The following RHBDL2 variants were observed in gnomAD, a reference collection of about 807,000 sequenced individuals.
RHBDL2 encodes rhomboid like 2, also known as rhomboid-related protein 2.
RHBDL2 carries 26 observed loss-of-function variants against 31.7 expected under a neutral mutation model. The ratio of observed to expected loss-of-function variants is 0.82; its 90% CI spans 0.60 to 1.14. RHBDL2 has a LOEUF of 1.14. RHBDL2 is among the 50% of genes most tolerant of loss of function. The probability of loss-of-function intolerance (pLI) is 0.00; values close to 1 mark genes in which losing one functional copy is unlikely to be tolerated. For missense variants in RHBDL2, 336 were observed against 364.4 expected (o/e 0.92, Z 0.63); for synonymous variants, 123 against 127.2 (o/e 0.97, Z 0.22).
At chr1:38,928,570 C>T (rs1643405068) in intron 1 of RHBDL2, among the ~76,000 whole-genome samples, 1 of 151,866 alleles carries the variant, frequency 6.6e-6, no homozygotes, top group Admixed American at 6.6e-5. Context: ...CCTCACCCTC[C>T]CGAGTAGCTG....
intron 3 of RHBDL2, among the ~76,000 whole-genome samples, chr1:38,912,878 TATACC>T (rs1643168507): frequency 7.6e-6 from 1 of 131,086 alleles, no homozygotes; most frequent in African/African-American, 3.3e-5. Flanking sequence ...GTAACTACCA[TATACC>T]ATATATATAT....
At chr1:38,914,623 A>G (rs921090058) in intron 3 of RHBDL2, among the ~76,000 whole-genome samples, 12 of 152,130 alleles carry the variant, frequency 7.9e-5, no homozygotes, top group Non-Finnish European at 1.3e-4. Context: ...CCTAAAGAGT[A>G]TATTTAACAA....
Position 38,915,601 on chromosome 1 carries a change from T to TGG in RHBDL2, c.355_356insCC (p.Glu119AlafsTer50). On this transcript the variant is annotated frameshift_variant, in exon 3 of 8. Coordinates refer to ENST00000372990, the MANE Select transcript of RHBDL2 (RefSeq NM_017821.5). LOFTEE classifies it high-confidence loss of function. ...CATGTATGAGATAAACCTCCAGGCT[T>TGG]CCTCCCTCTTCTCAGGACTGTAGAT... 6.2e-7 allele frequency: 1 copy of TGG among 1,614,156 alleles called. No individual in the cohort carries two copies. Among genetic ancestry groups the TGG allele is most frequent in the Non-Finnish European group, 8.5e-7 (1 of 1,180,020 alleles).
At chr1:38,887,049 G>T (rs931240087) in intron 7 of RHBDL2, among the ~76,000 whole-genome samples, 6 of 152,010 alleles carry the variant, frequency 3.9e-5, no homozygotes, top group Admixed American at 6.5e-5. Context: ...CCACATACAT[G>T]GGGTTTCAGA....
chr1:38,931,561 C>G (rs886183505), intron 1 of RHBDL2, among the ~76,000 whole-genome samples: 28 of 151,670 alleles, frequency 1.8e-4, no homozygotes, highest in African/African-American at 6.8e-4. Context: ...AAGAAATCTG[C>G]ATGCCTTTTT....
chr1:38,893,989 C>T (rs1330046514), intron 5 of RHBDL2, among the ~76,000 whole-genome samples: 1 of 152,290 alleles, frequency 6.6e-6, no homozygotes, highest in Admixed American at 6.5e-5. Context: ...TATTGAATTA[C>T]TTGTCCCTTC....
intron 1 of RHBDL2, among the ~76,000 whole-genome samples, chr1:38,929,074 A>C (rs1363167939): frequency 6.6e-6 from 1 of 151,904 alleles, no homozygotes; most frequent in African/African-American, 2.4e-5. Context: ...CCTGTCTCCA[A>C]AACCTAAATA....
At position 38,929,407 on chromosome 1, in the gene RHBDL2, G is replaced by A. The variant is rs905495709; in HGVS notation, c.-125-10070C>T. ...AAATCAGGCTCACCTTCCCTTCTTC[G>A]CCTCACCCAGGAAGGCCCTGGCAAG... On this transcript the variant is annotated intron_variant, in intron 1 of 7. Coordinates refer to ENST00000372990, the MANE Select transcript of RHBDL2 (RefSeq NM_017821.5). 3.5e-5 allele frequency: 45 copies of A among 1,289,238 alleles called. No homozygotes were observed. In the African/African-American group the frequency reaches 3.8e-4, roughly 11 times the overall value. The allele number at this position is 1,289,238 out of a possible 1,614,324, so 79.9% of individuals were successfully genotyped here.
intron 5 of RHBDL2, 47 bp downstream of exon 5, chr1:38,895,922 T>C (rs1255043123): frequency 1.3e-5 from 16 of 1,224,136 alleles, no homozygotes; most frequent in Non-Finnish European, 1.9e-5. Context: ...AGTTACTGTT[T>C]TCTGTTTTTT....
At chr1:38,916,129 A>G (rs1230470776) in intron 2 of RHBDL2, among the ~76,000 whole-genome samples, 1 of 152,234 alleles carries the variant, frequency 6.6e-6, no homozygotes, top group African/African-American at 2.4e-5. Flanking sequence ...AAAAATAGTC[A>G]CTTGCCAGGG....
At chr1:38,903,778 T>C (rs908800222) in intron 4 of RHBDL2, among the ~76,000 whole-genome samples, 1 of 152,176 alleles carries the variant, frequency 6.6e-6, no homozygotes, top group African/African-American at 2.4e-5. Context: ...AAGAATAAAG[T>C]TGGAGTGCTA....
intron 3 of RHBDL2, 56 bp from the exon 4 acceptor site, chr1:38,911,490 C>A: frequency 8.6e-7 from 1 of 1,162,476 alleles, no homozygotes; most frequent in East Asian, 2.3e-5. Context: ...CAGTTATTTC[C>A]CTGGGAGATG....
intron 3 of RHBDL2, among the ~76,000 whole-genome samples, chr1:38,915,177 G>A (rs1343627576): frequency 3.3e-5 from 5 of 149,660 alleles, no homozygotes; most frequent in African/African-American, 9.8e-5. Context: ...TTGTCCCCCA[G>A]CCTGGAGTGC....
intron 6 of RHBDL2, among the ~76,000 whole-genome samples, chr1:38,890,054 T>TC (rs1254965697): frequency 6.6e-6 from 1 of 151,832 alleles, no homozygotes; most frequent in Non-Finnish European, 1.5e-5. Context: ...TTTTTTTTTT[T>TC]CAAGACGCAG....
At chr1:38,907,752 A>G (rs1196778794) in intron 4 of RHBDL2, among the ~76,000 whole-genome samples, 3 of 152,192 alleles carry the variant, frequency 2.0e-5, no homozygotes, top group African/African-American at 4.8e-5. Context: ...AAAGTGAACA[A>G]ACAAATAAAT....
At chr1:38,892,566 A>G (rs1027999327) in intron 6 of RHBDL2, among the ~76,000 whole-genome samples, 1 of 152,168 alleles carries the variant, frequency 6.6e-6, no homozygotes, top group Admixed American at 6.5e-5. Context: ...GAAGTGGACA[A>G]TTTTTCTCTA....
At chr1:38,891,136 G>A (rs899427770) in intron 6 of RHBDL2, among the ~76,000 whole-genome samples, 3 of 151,472 alleles carry the variant, frequency 2.0e-5, no homozygotes, top group Non-Finnish European at 4.4e-5. Context: ...AGGCATGGTG[G>A]CATGCACCTG....
chr1:38,923,323 C>T (rs1643338329), intron 1 of RHBDL2, among the ~76,000 whole-genome samples: 1 of 152,184 alleles, frequency 6.6e-6, no homozygotes, highest in South Asian at 2.1e-4. Context: ...TCATGCAGAA[C>T]TATTCATAGC....
In RHBDL2 at chr1:38,917,625, C is replaced by T. The variant is rs1041976861; in HGVS notation, c.246+1342G>A. The stretch of plus-strand genomic sequence containing the variant: ...GAAGGAGAAGCAGAAAAAACAGATA[C>T]AGATGTCTCAGATCCGGACGACTTC... On this transcript the variant is annotated intron_variant, in intron 2 of 7. Transcript: ENST00000372990. 5.9e-5 allele frequency among the ~76,000 whole-genome samples: 9 copies of T among 152,254 alleles called. No individual in the cohort carries two copies. In the East Asian group the frequency reaches 9.7e-4, roughly 16 times the overall value.
Sources: allele counts gnomAD v4.1 joint callset (sites outside exome capture counted in the v4.1 genomes callset), GRCh38; gene constraint gnomAD v4.1.1; transcripts MANE v1.5; gene names NCBI Gene and HGNC (gene_info 2026-07-23, HGNC 2026-07-21).